The following ASIC2 variants were observed in gnomAD, a reference collection of about 807,000 sequenced individuals.
ASIC2 encodes acid-sensing ion channel 2.
A neutral mutation model predicts 57.3 loss-of-function variants in ASIC2; 25 were observed. That is an observed-to-expected ratio of 0.44 (90% CI 0.32 to 0.61). The LOEUF is 0.61. Ranked by LOEUF, ASIC2 falls within the 20% of genes least tolerant of loss-of-function variation. The probability of loss-of-function intolerance (pLI) is 0.06; values close to 1 mark genes in which losing one functional copy is unlikely to be tolerated. For synonymous variants in ASIC2, 319 were observed against 307.5 expected (o/e 1.04, Z -0.39); for missense variants, 641 against 738.1 (o/e 0.87, Z 1.52).
At chr17:33,613,063 G>A (rs1472475155) in intron 1 of ASIC2, among the ~76,000 whole-genome samples, 1 of 152,184 alleles carries the variant, frequency 6.6e-6, no homozygotes, top group Admixed American at 6.5e-5. Flanking sequence ...TTACCAGAGA[G>A]CCTTGGGGTA....
chr17:34,079,524 T>C (rs1909799965), intron 1 of ASIC2, among the ~76,000 whole-genome samples: 1 of 152,202 alleles, frequency 6.6e-6, no homozygotes, highest in African/African-American at 2.4e-5. Context: ...TGTTCCCACC[T>C]AGTGAATCTC....
At chr17:33,403,400 C>T (rs926098178) in intron 1 of ASIC2, among the ~76,000 whole-genome samples, 2 of 152,204 alleles carry the variant, frequency 1.3e-5, no homozygotes, top group African/African-American at 4.8e-5. Flanking sequence ...TCTTCTCCAT[C>T]AGTTGTCTAG....
intron 1 of ASIC2, among the ~76,000 whole-genome samples, chr17:33,547,423 C>G (rs1296455025): frequency 6.6e-6 from 1 of 152,154 alleles, no homozygotes; most frequent in Admixed American, 6.5e-5. Context: ...AGGCTAGAGT[C>G]CAGACCCATT....
chr17:33,318,277 A>G (rs1397430680), intron 1 of ASIC2, among the ~76,000 whole-genome samples: 1 of 152,004 alleles, frequency 6.6e-6, no homozygotes, highest in African/African-American at 2.4e-5. Flanking sequence ...AACAAAGCCT[A>G]TTCTTAGGAA....
intron 1 of ASIC2, among the ~76,000 whole-genome samples, chr17:33,730,399 G>A (rs945698706): frequency 6.6e-6 from 1 of 152,202 alleles, no homozygotes; most frequent in African/African-American, 2.4e-5. Flanking sequence ...GAGTTACTGA[G>A]AAGTCAGAAC....
At position 33,966,998 on chromosome 17, in the gene ASIC2, C is replaced by G. The variant is rs182607938; in HGVS notation, c.555+188980G>C. 6.3e-3 allele frequency among the ~76,000 whole-genome samples: 957 copies of G among 152,190 alleles called. 7 individuals are homozygous for G. Among genetic ancestry groups the G allele is most frequent in the Admixed American group, 0.01 (154 of 15,282 alleles). On this transcript the variant is annotated intron_variant, in intron 1 of 9. Coordinates refer to the ASIC2 transcript ENST00000359872. ...TGTTTTATATCCATCCACAGTGGTC[C>G]CAGTGACACCTCACACTCTATGTCG...
Position 33,370,723 on chromosome 17 carries a change from A to G in ASIC2, c.556-258656T>C, listed in dbSNP as rs147476302. On this transcript the variant is annotated intron_variant, in intron 1 of 9. Coordinates refer to the ASIC2 transcript ENST00000359872. Reference sequence around the variant, plus strand: ...GGGATTCTCTCTAGCACAGCAGGGTACAGTAGGAAAGCAGGATTTGGAAAA... The same window carrying G: ...GGGATTCTCTCTAGCACAGCAGGGTGCAGTAGGAAAGCAGGATTTGGAAAA... Among the ~76,000 whole-genome samples the G allele has an allele frequency of 5.2e-3, 791 of 152,322 alleles. 9 individuals carry two copies. The highest frequency in any genetic ancestry group is 0.018 in the African/African-American group (753 of 41,590).
chr17:33,826,948 C>A (rs1015877717), intron 1 of ASIC2, among the ~76,000 whole-genome samples: 2 of 152,034 alleles, frequency 1.3e-5, no homozygotes, highest in Non-Finnish European at 2.9e-5. Context: ...AATGGAGAAA[C>A]CTTTATGTAT....
intron 3 of ASIC2, among the ~76,000 whole-genome samples, 155 bp from the exon 4 acceptor site, chr17:33,028,547 A>T (rs1567720811): frequency 6.6e-6 from 1 of 152,042 alleles, no homozygotes; most frequent in East Asian, 1.9e-4. Flanking sequence ...TTCTTACCTT[A>T]CTTTAATTTT....
intron 3 of ASIC2, among the ~76,000 whole-genome samples, chr17:33,048,443 C>T (rs1004422584): frequency 3.3e-5 from 5 of 152,166 alleles, no homozygotes; most frequent in African/African-American, 1.2e-4. Context: ...CCAGCGAGCT[C>T]ACACTTGAAC....
intron 1 of ASIC2, among the ~76,000 whole-genome samples, chr17:33,511,072 C>T (rs1199218535): frequency 6.6e-6 from 1 of 152,206 alleles, no homozygotes; most frequent in Non-Finnish European, 1.5e-5. Flanking sequence ...CTACTGCACC[C>T]TTTTGGAGAT....
intron 1 of ASIC2, among the ~76,000 whole-genome samples, chr17:33,395,594 G>T (rs919902894): frequency 6.6e-6 from 1 of 152,184 alleles, no homozygotes; most frequent in African/African-American, 2.4e-5. Context: ...CCATCCATCT[G>T]TCCATCCATC....
At chr17:34,085,066 C>G (rs1413410786) in intron 1 of ASIC2, among the ~76,000 whole-genome samples, 1 of 152,170 alleles carries the variant, frequency 6.6e-6, no homozygotes, top group Non-Finnish European at 1.5e-5. Context: ...CCAGAACTTC[C>G]AACACTATGT....
intron 1 of ASIC2, among the ~76,000 whole-genome samples, chr17:34,066,671 G>T (rs1909183977): frequency 1.3e-5 from 2 of 152,194 alleles, no homozygotes; most frequent in Admixed American, 1.3e-4. Flanking sequence ...CATCTATCAT[G>T]ATGACAGCTG....
At chr17:33,854,551 G>A (rs1490376694) in intron 1 of ASIC2, among the ~76,000 whole-genome samples, 1 of 152,208 alleles carries the variant, frequency 6.6e-6, no homozygotes, top group Non-Finnish European at 1.5e-5. Context: ...CTATAATGGG[G>A]TCTGAGGATA....
chr17:33,806,521 G>A (rs73986739), intron 1 of ASIC2, among the ~76,000 whole-genome samples: 31 of 152,306 alleles, frequency 2.0e-4, no homozygotes, highest in African/African-American at 5.8e-4. Flanking sequence ...GCTTCTGTCC[G>A]TAGAATCCTA....
chr17:33,485,146 A>G (rs972579186), intron 1 of ASIC2, among the ~76,000 whole-genome samples: 6 of 152,276 alleles, frequency 3.9e-5, no homozygotes, highest in Non-Finnish European at 8.8e-5. Flanking sequence ...ATTTGATCTT[A>G]GGTCCAAGCA....
intron 1 of ASIC2, among the ~76,000 whole-genome samples, chr17:33,571,188 C>G (rs970118603): frequency 1.3e-5 from 2 of 152,146 alleles, no homozygotes; most frequent in African/African-American, 4.8e-5. Flanking sequence ...ACCTCAGGAG[C>G]CCTCTTTTTA....
intron 1 of ASIC2, among the ~76,000 whole-genome samples, chr17:34,111,687 A>G (rs1423107468): frequency 6.6e-6 from 1 of 152,210 alleles, no homozygotes; most frequent in Non-Finnish European, 1.5e-5. Context: ...CTGCATTCAA[A>G]TGCAGTCTGA....
Sources: allele counts gnomAD v4.1 joint callset (sites outside exome capture counted in the v4.1 genomes callset), GRCh38; gene constraint gnomAD v4.1.1; transcripts MANE v1.5; gene names NCBI Gene and HGNC (gene_info 2026-07-23, HGNC 2026-07-21).